Variants in EIF2AK3 observed in about 807,000 individuals in gnomAD.
EIF2AK3 encodes the protein eukaryotic translation initiation factor 2 alpha kinase 3.
Under a neutral mutation model 113.5 loss-of-function variants are expected in EIF2AK3, and 50 were observed. The ratio of observed to expected loss-of-function variants is 0.44; its 90% CI spans 0.35 to 0.56. EIF2AK3 has a LOEUF of 0.56. Among genes scored for constraint, EIF2AK3 ranks in the 20% least tolerant of loss-of-function variants. EIF2AK3 has a pLI of 0.00. For synonymous variants in EIF2AK3, 448 were observed against 495.4 expected, an observed-to-expected ratio of 0.90 and a Z score of 1.27; for missense variants, 1,185 against 1,378.0, an observed-to-expected ratio of 0.86 and a Z score of 2.22.
intron 2 of EIF2AK3, among the ~76,000 whole-genome samples, chr2:88,610,854 C>T (rs988004792): frequency 4.0e-5 from 6 of 151,744 alleles, no homozygotes; most frequent in South Asian, 2.1e-4. Context: ...CCCAGGGGTT[C>T]GAGACCAGCC....
Position 88,591,034 on chromosome 2 carries a change from G to A in EIF2AK3, c.786C>T (p.Gly262=). ...SGNEKWNFSV[G]HFELRYIPDM... is the part of the protein sequence containing the mutation. ...CTGGAATATACCGAAGTTCAAAGTG[G>A]CCAACACTGAAATTCCACCTTAAAT... The change falls in exon 5 of 17, where the codon GGC becomes GGT. Residue 262 remains glycine, a synonymous_variant. Coordinates refer to ENST00000303236, the MANE Select transcript of EIF2AK3 (RefSeq NM_004836.7). 6.2e-7 allele frequency: 1 copy of A among 1,613,994 alleles called. No homozygotes were observed. The highest frequency in any genetic ancestry group is 8.5e-7 in the Non-Finnish European group (1 of 1,179,958).
At chr2:88,574,471 G>GT in intron 13 of EIF2AK3, 195 bp downstream of exon 13, 1 of 633,748 alleles carries the variant, frequency 1.6e-6, no homozygotes, top group East Asian at 2.8e-5. Context: ...TGAATGCATG[G>GT]TTTGCCTAAA....
chr2:88,589,735 G>A (rs1266409708), intron 6 of EIF2AK3, among the ~76,000 whole-genome samples: 1 of 151,580 alleles, frequency 6.6e-6, no homozygotes, highest in African/African-American at 2.4e-5. Context: ...CCAGGCAGGA[G>A]TGCAGTGACA....
chr2:88,595,797 G>GTAC, intron 2 of EIF2AK3, 134 bp from the exon 3 acceptor site: 2 of 902,070 alleles, frequency 2.2e-6, no homozygotes, highest in Non-Finnish European at 3.5e-6. Context: ...TGATCCTGAT[G>GTAC]TACTCCAGCC....
intron 13 of EIF2AK3, among the ~76,000 whole-genome samples, chr2:88,572,534 T>G (rs1174345640): frequency 6.6e-6 from 1 of 152,108 alleles, no homozygotes; most frequent in Non-Finnish European, 1.5e-5. Flanking sequence ...AAAGCAATAC[T>G]TTTCTCTCCA....
At chr2:88,565,343 C>CT (rs61470556) in intron 14 of EIF2AK3, among the ~76,000 whole-genome samples, 1,592 of 124,346 alleles carry the variant, frequency 0.013, 5 homozygotes, top group Non-Finnish European at 0.018. Context: ...GCCAAAAAAA[C>CT]TTTTTTTTTT....
At chr2:88,600,781 C>T (rs1190304023) in intron 2 of EIF2AK3, among the ~76,000 whole-genome samples, 5 of 152,260 alleles carry the variant, frequency 3.3e-5, no homozygotes, top group South Asian at 4.1e-4. Context: ...AGTACTACTA[C>T]TAAAATGAGC....
rs781713956 is a variant in EIF2AK3, at chr2:88,626,992, C to T, written c.283G>A (p.Glu95Lys). Reference protein sequence around the residue: ...QEPRGPEPDDETELRPRGRSL... With the variant: ...QEPRGPEPDDKTELRPRGRSL... The stretch of plus-strand genomic sequence containing the variant: ...CTGCCGCGCGGTCGCAACTCTGTCT[C>T]ATCGTCTGGTTCCGGACCCCGAGGC... Residue 95 changes from glutamate to lysine, a missense_variant, in exon 1 of 17, where the codon GAG (glutamate) becomes AAG (lysine). Physicochemically the swap from Glu to Lys is moderately conservative, Grantham distance 56. Coordinates refer to ENST00000303236, the MANE Select transcript of EIF2AK3 (RefSeq NM_004836.7). 1.2e-6 allele frequency: 2 copies of T among 1,609,476 alleles called. No homozygotes were observed. The highest frequency in any genetic ancestry group is 2.2e-5 in the East Asian group (1 of 44,762).
chr2:88,561,737 T>C (rs900822432), intron 15 of EIF2AK3, among the ~76,000 whole-genome samples: 1 of 152,050 alleles, frequency 6.6e-6, no homozygotes, highest in Admixed American at 6.6e-5. Context: ...CACGTGCCTG[T>C]GGTCCCAGCT....
intron 1 of EIF2AK3, among the ~76,000 whole-genome samples, chr2:88,614,716 T>C (rs1675530792): frequency 6.6e-6 from 1 of 152,090 alleles, no homozygotes; most frequent in South Asian, 2.1e-4. Flanking sequence ...CCTCACTTCT[T>C]TCTTAACCAG....
chr2:88,603,560 C>A (rs902576044), intron 2 of EIF2AK3, among the ~76,000 whole-genome samples: 2 of 152,196 alleles, frequency 1.3e-5, no homozygotes, highest in African/African-American at 4.8e-5. Context: ...TTCATAAAGT[C>A]TTCACACCAA....
intron 11 of EIF2AK3, among the ~76,000 whole-genome samples, chr2:88,577,272 C>T (rs567817245): frequency 1.2e-4 from 18 of 151,194 alleles, no homozygotes; most frequent in Non-Finnish European, 8.9e-5. Flanking sequence ...TGTGAGCCAC[C>T]GTGCCCGGCT....
intron 11 of EIF2AK3, 58 bp downstream of exon 11, chr2:88,579,460 C>A (rs1674543353): frequency 6.2e-7 from 1 of 1,603,378 alleles, no homozygotes; most frequent in African/African-American, 1.3e-5. Flanking sequence ...GATATTTTAC[C>A]CATGAGATTA....
intron 3 of EIF2AK3, 122 bp from the exon 4 acceptor site, chr2:88,593,527 ACT>A (rs1277875699): frequency 8.5e-7 from 1 of 1,177,644 alleles, no homozygotes; most frequent in East Asian, 2.5e-5. Flanking sequence ...TGTATGAAGT[ACT>A]CAAGTCATAA....
At chr2:88,587,675 A>G (rs1674772175) in intron 8 of EIF2AK3, among the ~76,000 whole-genome samples, 1 of 152,194 alleles carries the variant, frequency 6.6e-6, no homozygotes, top group Non-Finnish European at 1.5e-5. Flanking sequence ...GTTAACTGAG[A>G]CTTTGCCTGC....
intron 13 of EIF2AK3, among the ~76,000 whole-genome samples, chr2:88,573,874 GTATT>G (rs1674381502): frequency 6.6e-6 from 1 of 152,264 alleles, no homozygotes; most frequent in East Asian, 1.9e-4. Context: ...CATCAGAAAA[GTATT>G]TATACATTCA....
chr2:88,588,240 A>G (rs1674790564), intron 7 of EIF2AK3, 136 bp from the exon 8 acceptor site: 1 of 569,890 alleles, frequency 1.8e-6, no homozygotes, highest in South Asian at 3.3e-5. Flanking sequence ...AAGTTAAACA[A>G]ATGGCCCAGA....
At chr2:88,569,175 G>A (rs1352535963) in intron 14 of EIF2AK3, among the ~76,000 whole-genome samples, 2 of 152,080 alleles carry the variant, frequency 1.3e-5, no homozygotes, top group African/African-American at 2.4e-5. Context: ...ATAGGTGTGA[G>A]CCACTGCGAC....
intron 13 of EIF2AK3, 36 bp downstream of exon 13, chr2:88,574,630 T>C (rs755624334): frequency 2.0e-5 from 33 of 1,611,494 alleles, no homozygotes; most frequent in Admixed American, 5.0e-5. Context: ...AAACGTCAGA[T>C]TGAAACCCCA....
Sources: gnomAD v4.1 joint callset for allele counts (sites outside exome capture counted in the v4.1 genomes callset) on GRCh38, gnomAD v4.1.1 for gene constraint, MANE v1.5 for transcripts, NCBI Gene and HGNC (gene_info 2026-07-23, HGNC 2026-07-21) for gene names.